The following SYTL5 variants were observed in gnomAD, a reference collection of about 807,000 sequenced individuals.
The protein encoded by SYTL5 is synaptotagmin-like protein 5.
A neutral mutation model predicts 55.9 loss-of-function variants in SYTL5; 34 were observed. The observed-to-expected ratio is 0.61, with a 90% CI of 0.46 to 0.81. The LOEUF is 0.81. SYTL5 is among the 30% of genes least tolerant of loss of function. The pLI, the probability that SYTL5 is intolerant of heterozygous loss-of-function variation, is 0.00. For missense variants in SYTL5, 637 were observed against 546.7 expected (o/e 1.17, Z -1.65); for synonymous variants, 221 against 188.7 (o/e 1.17, Z -1.40).
rs745722298 is a variant in SYTL5, at chrX:38,106,639, A to G, written c.1202A>G (p.Tyr401Cys). The change falls in exon 11 of 17, where the codon TAT becomes TGT. Residue 401 changes from tyrosine (Y) to cysteine (C), a missense_variant. Physicochemically the swap from Tyr to Cys is radical, Grantham distance 194. Coordinates refer to ENST00000297875, the MANE Select transcript of SYTL5 (RefSeq NM_138780.3). Reference sequence around the variant, plus strand: ...AGCGTTTACAGTGAAACGGGAGACTATGGCAACGTGAAAGTCAGTGGTGAA... The same window carrying G: ...AGCGTTTACAGTGAAACGGGAGACTGTGGCAACGTGAAAGTCAGTGGTGAA... ...MMSVYSETGD[Y>C]GNVKVSGEIL... 8.3e-7 allele frequency: 1 copy of G among 1,209,855 alleles called. No individual in the cohort carries two copies. The highest frequency in any genetic ancestry group is 1.7e-5 in the African/African-American group (1 of 57,804).
At chrX:37,912,128 T>G in the SYTL5 span, among the ~76,000 whole-genome samples, 1 of 112,137 alleles carries the variant, frequency 8.9e-6, no homozygotes, top group African/African-American at 3.2e-5. Flanking sequence ...CTATTAAGAA[T>G]AGATTTACTA....
chrX:37,914,117 C>T, the SYTL5 span, among the ~76,000 whole-genome samples: 1 of 111,692 alleles, frequency 9.0e-6, no homozygotes. Context: ...GGAACTCATA[C>T]TTTATTGATA....
At chrX:38,095,641 T>C (rs1468486757) in intron 8 of SYTL5, among the ~76,000 whole-genome samples, 2 of 112,303 alleles carry the variant, frequency 1.8e-5, no homozygotes, top group Non-Finnish European at 3.8e-5. Flanking sequence ...CTATAGCCTC[T>C]CATTTTTGTG....
chrX:38,083,319 G>A (rs1569180789), intron 6 of SYTL5, among the ~76,000 whole-genome samples: 1 of 111,721 alleles, frequency 9.0e-6, no homozygotes, highest in Non-Finnish European at 1.9e-5. Flanking sequence ...CCTTCCTCAT[G>A]GTAACTGTCT....
At chrX:37,895,409 T>TTTCATTCCTTCATTCCTTCC in the SYTL5 span, among the ~76,000 whole-genome samples, 1 of 83,445 alleles carries the variant, frequency 1.2e-5, no homozygotes, top group African/African-American at 5.6e-5. Flanking sequence ...TAGTTTTTCT[T>TTTCATTCCTTCATTCCTTCC]TTCCTTCCTT....
chrX:38,099,006 A>G (rs945094512), intron 9 of SYTL5, among the ~76,000 whole-genome samples: 3 of 111,001 alleles, frequency 2.7e-5, no homozygotes, highest in Non-Finnish European at 5.7e-5. Flanking sequence ...GTGAAGAAGT[A>G]GGGACTGACT....
chrX:37,930,526 C>T, the SYTL5 span, among the ~76,000 whole-genome samples: 5 of 111,213 alleles, frequency 4.5e-5, no homozygotes, highest in East Asian at 2.8e-4. Flanking sequence ...ACTAGAGCAA[C>T]AAGATAGAAG....
intron 2 of SYTL5, among the ~76,000 whole-genome samples, chrX:38,047,502 A>G (rs1056215282): frequency 2.7e-5 from 3 of 112,731 alleles, no homozygotes; most frequent in East Asian, 2.8e-4. Context: ...TAGGCTGCAC[A>G]CAGCATGGAG....
At chrX:37,926,715 T>C in the SYTL5 span, among the ~76,000 whole-genome samples, 1 of 111,919 alleles carries the variant, frequency 8.9e-6, no homozygotes, top group African/African-American at 3.2e-5. Context: ...TCATGTGGGC[T>C]ACCAGTCTCC....
chrX:37,978,216 T>C, the SYTL5 span, among the ~76,000 whole-genome samples: 1 of 110,596 alleles, frequency 9.0e-6, no homozygotes, highest in Non-Finnish European at 1.9e-5. Context: ...ACAATGAGGA[T>C]GGTTTGGGGA....
At chrX:37,948,943 C>T in the SYTL5 span, among the ~76,000 whole-genome samples, 1 of 111,587 alleles carries the variant, frequency 9.0e-6, no homozygotes, top group Admixed American at 9.6e-5. Flanking sequence ...CAATTTGTTG[C>T]TATTTCTTTT....
the SYTL5 span, among the ~76,000 whole-genome samples, chrX:37,923,554 CGT>C: frequency 9.2e-6 from 1 of 108,274 alleles, no homozygotes; most frequent in Admixed American, 1.0e-4. Context: ...CATACATATA[CGT>C]ATATATATAT....
intron 2 of SYTL5, among the ~76,000 whole-genome samples, chrX:38,043,954 T>C (rs1429226022): frequency 9.1e-6 from 1 of 109,419 alleles, no homozygotes; most frequent in Non-Finnish European, 1.9e-5. Flanking sequence ...AATCCTCTTA[T>C]ATTGTGATTC....
In SYTL5 at chrX:38,110,393, C is replaced by A; in HGVS notation, c.1507C>A (p.Arg503Ser). ...AGTCTGGCACTATGATCGATTTGGACGTAATAGCTTCCTCGGGGAAGTAGA... is the reference window on the plus strand; with the variant it reads ...AGTCTGGCACTATGATCGATTTGGAAGTAATAGCTTCCTCGGGGAAGTAGA... ...LSVWHYDRFG[R>S]NSFLGEVEIP... The change falls in exon 13 of 17, where the codon CGT becomes AGT. Residue 503 changes from arginine (R) to serine (S), a missense_variant. Coordinates refer to ENST00000297875, the MANE Select transcript of SYTL5 (RefSeq NM_138780.3). The A allele has an allele frequency of 6.6e-6, 8 of 1,207,755 alleles. No individual in the cohort carries two copies. Among genetic ancestry groups the A allele is most frequent in the East Asian group, 3.0e-5 (1 of 33,779 alleles).
intron 1 of SYTL5, among the ~76,000 whole-genome samples, chrX:38,011,621 G>C (rs1934191404): frequency 1.3e-5 from 1 of 78,969 alleles, no homozygotes; most frequent in African/African-American, 4.9e-5. Context: ...GCAAAAGAGC[G>C]AGACTCCGTC....
At chrX:38,011,354 G>T (rs190378857) in intron 1 of SYTL5, among the ~76,000 whole-genome samples, 18 of 111,741 alleles carry the variant, frequency 1.6e-4, no homozygotes, top group South Asian at 3.7e-4. Context: ...ACTGCTGGCC[G>T]GGCGCGGTGG....
the SYTL5 span, among the ~76,000 whole-genome samples, chrX:37,975,264 C>T: frequency 8.9e-6 from 1 of 111,796 alleles, no homozygotes; most frequent in Non-Finnish European, 1.9e-5. Context: ...TGGCTGAGAG[C>T]TCCTCCCAGG....
intron 2 of SYTL5, among the ~76,000 whole-genome samples, chrX:38,037,431 T>C (rs1431947497): frequency 8.9e-6 from 1 of 112,320 alleles, no homozygotes; most frequent in Non-Finnish European, 1.9e-5. Context: ...AAGTTTGTAT[T>C]ACCAAAGCTA....
chrX:38,050,373 G>A (rs776715060), intron 2 of SYTL5, among the ~76,000 whole-genome samples: 4 of 111,515 alleles, frequency 3.6e-5, no homozygotes, highest in Non-Finnish European at 5.7e-5. Flanking sequence ...TTTTGATGAT[G>A]GGATGGAAAA....
Sources: gnomAD v4.1 joint callset for allele counts (sites outside exome capture counted in the v4.1 genomes callset) on GRCh38, gnomAD v4.1.1 for gene constraint, MANE v1.5 for transcripts, NCBI Gene and HGNC (gene_info 2026-07-23, HGNC 2026-07-21) for gene names.